The following PDE10A variants were observed in gnomAD, a reference collection of about 807,000 sequenced individuals.
PDE10A encodes the protein cAMP and cAMP-inhibited cGMP 3',5'-cyclic phosphodiesterase 10A.
PDE10A carries 39 observed loss-of-function variants against 97.7 expected under a neutral mutation model. The ratio of observed to expected loss-of-function variants is 0.40; its 90% confidence interval spans 0.31 to 0.52. PDE10A has a LOEUF of 0.52. PDE10A is among the 20% of genes least tolerant of loss of function. The pLI is 0.56. For synonymous variants in PDE10A, 371 were observed against 376.8 expected, an observed-to-expected ratio of 0.98 and a Z score of 0.18; for missense variants, 731 against 1,047.8, an observed-to-expected ratio of 0.70 and a Z score of 4.17.
intron 1 of PDE10A, among the ~76,000 whole-genome samples, chr6:165,857,509 G>A (rs1019417537): frequency 2.0e-5 from 3 of 152,226 alleles, no homozygotes; most frequent in Admixed American, 1.3e-4. Context: ...CCCTACACTA[G>A]TAATGGGTCC....
intron 1 of PDE10A, among the ~76,000 whole-genome samples, chr6:165,937,788 G>A (rs1048632517): frequency 6.6e-6 from 1 of 152,058 alleles, no homozygotes; most frequent in Non-Finnish European, 1.5e-5. Flanking sequence ...TACACACACA[G>A]ATATTATCCA....
chr6:165,786,342 C>T (rs567916447), intron 1 of PDE10A, among the ~76,000 whole-genome samples: 2 of 152,192 alleles, frequency 1.3e-5, no homozygotes, highest in Non-Finnish European at 2.9e-5. Flanking sequence ...ACCCACTAAG[C>T]GCTGTATGAA....
chr6:165,625,895 A>C (rs1016069812), intron 1 of PDE10A, among the ~76,000 whole-genome samples: 5 of 152,234 alleles, frequency 3.3e-5, no homozygotes, highest in Admixed American at 3.3e-4. Context: ...AAAACACTGA[A>C]TACACAGTTT....
chr6:165,426,663 T>G (rs7766571), intron 10 of PDE10A, among the ~76,000 whole-genome samples: 1 of 152,094 alleles, frequency 6.6e-6, no homozygotes, highest in African/African-American at 2.4e-5. Flanking sequence ...CAAATGACAC[T>G]ATCAAGAAAG....
chr6:165,642,635 G>A (rs929024584), intron 1 of PDE10A, among the ~76,000 whole-genome samples: 1 of 152,204 alleles, frequency 6.6e-6, no homozygotes, highest in Non-Finnish European at 1.5e-5. Flanking sequence ...TTGTAAGACA[G>A]ATCTCAAGTA....
At chr6:165,539,755 T>C (rs986018247) in intron 2 of PDE10A, among the ~76,000 whole-genome samples, 2 of 143,042 alleles carry the variant, frequency 1.4e-5, no homozygotes, top group Admixed American at 6.7e-5. Flanking sequence ...ACTCTGTCTC[T>C]AATAAAAAAA....
chr6:165,543,443 C>T lies in PDE10A; in HGVS notation c.991G>A (p.Glu331Lys), dbSNP rs1783569127. Residue 331 changes from glutamate (E) to lysine (K), a missense_variant, in exon 2 of 22, where the codon GAA becomes AAA. Glu to Lys is a moderately conservative substitution (Grantham distance 56). Transcript: ENST00000539869. ...TGAGATCCACAAGAGACCTTACCTT[C>T]TGATTTGTTGTTCTTCCTCTTCAGC... ...KWLKRKNNKSEDESAPKEVSR... is the reference protein window; with the variant it reads ...KWLKRKNNKSKDESAPKEVSR... 4 of 1,611,382 alleles carry T rather than the reference C, an allele frequency of 2.5e-6. No individual in the cohort carries two copies. The highest frequency in any genetic ancestry group is 3.4e-6 in the Non-Finnish European group (4 of 1,179,178).
chr6:165,810,842 T>C (rs1339538956), intron 1 of PDE10A, among the ~76,000 whole-genome samples: 1 of 152,208 alleles, frequency 6.6e-6, no homozygotes, highest in African/African-American at 2.4e-5. Flanking sequence ...TGCTCAAGTC[T>C]GTCTTTCCTA....
chr6:165,515,157 T>C (rs947061241), intron 2 of PDE10A, among the ~76,000 whole-genome samples: 1 of 152,200 alleles, frequency 6.6e-6, no homozygotes, highest in Non-Finnish European at 1.5e-5. Flanking sequence ...ACTATATTTT[T>C]CAGAAGCTAC....
chr6:165,715,997 G>A (rs972003653), intron 1 of PDE10A, among the ~76,000 whole-genome samples: 3 of 152,086 alleles, frequency 2.0e-5, no homozygotes, highest in Non-Finnish European at 4.4e-5. Context: ...CCTCCCCTCC[G>A]GCTCCTGCAC....
upstream of PDE10A, among the ~76,000 whole-genome samples, chr6:165,665,204 G>A (rs372115123): frequency 3.9e-5 from 6 of 152,152 alleles, no homozygotes; most frequent in Non-Finnish European, 7.3e-5. Context: ...CCTTCATACT[G>A]GTGTCCACGT....
intron 1 of PDE10A, among the ~76,000 whole-genome samples, chr6:165,841,916 T>G (rs1042559368): frequency 6.6e-6 from 1 of 152,236 alleles, no homozygotes; most frequent in African/African-American, 2.4e-5. Flanking sequence ...TCATTTTTAT[T>G]GTGATTTTTG....
chr6:165,604,596 T>C (rs1583629499), intron 1 of PDE10A, among the ~76,000 whole-genome samples: 1 of 151,924 alleles, frequency 6.6e-6, no homozygotes, highest in Non-Finnish European at 1.5e-5. Context: ...TGGATGACAT[T>C]ACTTGTAAAA....
chr6:165,485,209 C>A (rs568376471), intron 2 of PDE10A, among the ~76,000 whole-genome samples: 2 of 152,106 alleles, frequency 1.3e-5, no homozygotes, highest in African/African-American at 4.8e-5. Context: ...CGGTGGCTCA[C>A]GCCTGTAATC....
At chr6:165,340,650 G>T (rs78717259) in intron 19 of PDE10A, among the ~76,000 whole-genome samples, 1 of 152,200 alleles carries the variant, frequency 6.6e-6, no homozygotes, top group Admixed American at 6.5e-5. Flanking sequence ...TGCTAAAAAG[G>T]AAAAGAACCC....
intron 1 of PDE10A, among the ~76,000 whole-genome samples, chr6:165,668,473 CTT>C (rs1790551336): frequency 6.6e-6 from 1 of 152,162 alleles, no homozygotes; most frequent in Admixed American, 6.5e-5. Flanking sequence ...ACTCTGGAAT[CTT>C]TTTCTTGCAA....
At chr6:165,908,628 AT>A (rs1256997631) in intron 1 of PDE10A, among the ~76,000 whole-genome samples, 5 of 152,150 alleles carry the variant, frequency 3.3e-5, no homozygotes, top group Non-Finnish European at 7.4e-5. Context: ...TCCGTGTTGT[AT>A]TGTCAGAGGA....
At chr6:165,746,817 G>GAT (rs151266172) in intron 1 of PDE10A, among the ~76,000 whole-genome samples, 2 of 152,014 alleles carry the variant, frequency 1.3e-5, no homozygotes, top group Non-Finnish European at 2.9e-5. Flanking sequence ...TCAAAATACG[G>GAT]ATATATATAT....
At chr6:165,401,231 A>G (rs1216517989) in intron 13 of PDE10A, among the ~76,000 whole-genome samples, 1 of 152,186 alleles carries the variant, frequency 6.6e-6, no homozygotes, top group East Asian at 1.9e-4. Flanking sequence ...TAGATGTCAT[A>G]ATTTGTATAC....
Sources: gnomAD v4.1 joint callset for allele counts (sites outside exome capture counted in the v4.1 genomes callset) on GRCh38, gnomAD v4.1.1 for gene constraint, MANE v1.5 for transcripts, NCBI Gene and HGNC (gene_info 2026-07-23, HGNC 2026-07-21) for gene names.